Variants in GCH1 observed in about 807,000 individuals in gnomAD.
GCH1 encodes the protein GTP cyclohydrolase I.
In GCH1, 5 loss-of-function variants were observed where a neutral mutation model predicts 25.9. The observed-to-expected ratio is 0.19, with a 90% confidence interval of 0.10 to 0.41. GCH1 has a LOEUF of 0.41. Ranked by LOEUF, GCH1 falls within the 10% of genes least tolerant of loss-of-function variation. The pLI is 1.00. For synonymous variants in GCH1, 159 were observed against 129.6 expected (o/e 1.23, Z -1.54); for missense variants, 261 against 336.5 (o/e 0.78, Z 1.75).
chr14:54,880,472 A>AC, intron 1 of GCH1, among the ~76,000 whole-genome samples: 2 of 111,046 alleles, frequency 1.8e-5, no homozygotes, highest in Admixed American at 9.5e-5. Flanking sequence ...CTCCATATAT[A>AC]TATATACACT....
At chr14:54,900,845 T>TCACACACA (rs3221690) in intron 1 of GCH1, among the ~76,000 whole-genome samples, 1,836 of 144,710 alleles carry the variant, frequency 0.013, 22 homozygotes, top group Admixed American at 0.019. Flanking sequence ...GTGAAATATC[T>TCACACACA]CACACACACA....
At chr14:54,857,129 T>A (rs539087041) in intron 3 of GCH1, among the ~76,000 whole-genome samples, 4 of 152,220 alleles carry the variant, frequency 2.6e-5, no homozygotes, top group Non-Finnish European at 5.9e-5. Context: ...TTATTCAAAT[T>A]TTTTGCAAAA....
chr14:54,890,273 G>A (rs1595018305), intron 1 of GCH1, among the ~76,000 whole-genome samples: 1 of 152,282 alleles, frequency 6.6e-6, no homozygotes, highest in Non-Finnish European at 1.5e-5. Context: ...CGAGGTGGGC[G>A]GATCACCTGA....
chr14:54,842,934 A>G lies in GCH1; in HGVS notation c.*1083T>C. Reference sequence around the variant, plus strand: ...AACCGGGACCAGAAGCTTCCAGTGCATTTTCACAGATCGTTGGTACGATAC... The same window carrying G: ...AACCGGGACCAGAAGCTTCCAGTGCGTTTTCACAGATCGTTGGTACGATAC... On this transcript the variant is annotated 3_prime_UTR_variant, in exon 6 of 6. Coordinates refer to ENST00000491895, the MANE Select transcript of GCH1 (RefSeq NM_000161.3). 2 of 655,110 alleles carry G rather than the reference A, an allele frequency of 3.1e-6. No homozygotes were observed. The allele number at this position is 655,110 out of a possible 1,614,324, so 40.6% of individuals were successfully genotyped here.
intron 1 of GCH1, among the ~76,000 whole-genome samples, chr14:54,894,873 G>C (rs554546940): frequency 6.6e-6 from 1 of 152,116 alleles, no homozygotes. Context: ...ATTTGAGTGA[G>C]CTACACATCT....
intron 3 of GCH1, among the ~76,000 whole-genome samples, chr14:54,858,451 A>C (rs1343676604): frequency 6.6e-6 from 1 of 151,970 alleles, no homozygotes; most frequent in African/African-American, 2.4e-5. Flanking sequence ...ACGCCCAGCT[A>C]ATCTTTGTAT....
intron 1 of GCH1, among the ~76,000 whole-genome samples, chr14:54,875,234 G>C (rs952978333): frequency 2.0e-5 from 3 of 152,130 alleles, no homozygotes; most frequent in Non-Finnish European, 2.9e-5. Flanking sequence ...AGGAATCCCT[G>C]TTTAATAAAT....
intron 1 of GCH1, among the ~76,000 whole-genome samples, chr14:54,878,557 A>AGC (rs893332900): frequency 1.3e-5 from 2 of 152,210 alleles, no homozygotes; most frequent in Non-Finnish European, 2.9e-5. Flanking sequence ...ACCAGCATAC[A>AGC]GCGCTTATCT....
intron 1 of GCH1, chr14:54,885,384 C>A: frequency 3.9e-6 from 1 of 254,656 alleles, no homozygotes; most frequent in South Asian, 5.4e-5. Flanking sequence ...TCTGCCTGAT[C>A]TCTGTCTAAT....
chr14:54,856,910 C>T (rs1323691198), intron 3 of GCH1, among the ~76,000 whole-genome samples: 1 of 152,180 alleles, frequency 6.6e-6, no homozygotes, highest in Non-Finnish European at 1.5e-5. Context: ...TAAGGCTTTA[C>T]TGCTTGATAT....
chr14:54,901,524 G>C lies in GCH1; in HGVS notation c.343+797C>G, dbSNP rs376922032. Among the ~76,000 whole-genome samples the C allele has an allele frequency of 6.6e-5, 10 of 152,120 alleles. No homozygotes were observed. In the East Asian group the frequency reaches 1.5e-3, roughly 24 times the overall value. The stretch of plus-strand genomic sequence containing the variant: ...ACGCCTCAGACGCTAACAGCACCGG[G>C]TCAACCCGGCTTTATTTTAGGGTGG... On this transcript the variant is annotated intron_variant, in intron 1 of 5. Transcript: ENST00000491895.
Position 54,843,510 on chromosome 14 carries a change from G to C in GCH1, c.*507C>G, listed in dbSNP as rs886050547. On this transcript the variant is annotated 3_prime_UTR_variant, in exon 6 of 6. Coordinates refer to ENST00000491895, the MANE Select transcript of GCH1 (RefSeq NM_000161.3). Reference sequence around the variant, plus strand: ...GACTGCTAAAAATATATTTTTAAATGTCACTGGTGGTTTAATAAACATGAC... The same window carrying C: ...GACTGCTAAAAATATATTTTTAAATCTCACTGGTGGTTTAATAAACATGAC... 1.5e-5 allele frequency: 20 copies of C among 1,295,330 alleles called. No homozygotes were observed. In the South Asian group the frequency reaches 3.7e-4, roughly 24 times the overall value. The allele number at this position is 1,295,330 out of a possible 1,614,324, so 80.2% of individuals were successfully genotyped here.
intron 2 of GCH1, among the ~76,000 whole-genome samples, chr14:54,861,762 C>T (rs2140067452): frequency 6.7e-6 from 1 of 149,916 alleles, no homozygotes; most frequent in Admixed American, 6.7e-5. Context: ...ATTTTTAAAA[C>T]AAAGGTAGCA....
At position 54,843,686 on chromosome 14, in the gene GCH1, A is replaced by C. The variant is rs2039593962; in HGVS notation, c.*331T>G. ...CATTCCCAATGCTCCTATGCTTATG[A>C]GGCAAATTACTGTACTATTTGAAAA... On this transcript the variant is annotated 3_prime_UTR_variant, in exon 6 of 6. Transcript: ENST00000491895. 6.3e-7 allele frequency: 1 copy of C among 1,598,316 alleles called. No individual in the cohort carries two copies. The highest frequency in any genetic ancestry group is 1.3e-5 in the African/African-American group (1 of 74,290).
Position 54,862,095 on chromosome 14 carries a change from C to G in GCH1, c.454-2359G>C, listed in dbSNP as rs192858515. Among the ~76,000 whole-genome samples the G allele has an allele frequency of 2.9e-3, 443 of 152,250 alleles. 3 individuals are homozygous for G. Among genetic ancestry groups the G allele is most frequent in the African/African-American group, 0.01 (416 of 41,532 alleles). ...CCAGGTTGGGGTACAGTGGCATGAT[C>G]ATAGTTCACTGTAACCTGAAACTCC... On this transcript the variant is annotated intron_variant, in intron 2 of 5. Transcript: ENST00000491895.
intron 1 of GCH1, among the ~76,000 whole-genome samples, chr14:54,877,710 G>A (rs1421355744): frequency 6.6e-6 from 1 of 151,878 alleles, no homozygotes; most frequent in African/African-American, 2.4e-5. Flanking sequence ...GCCCAGGCTG[G>A]TCTCAAATTC....
chr14:54,852,488 C>T (rs889826950), intron 3 of GCH1, among the ~76,000 whole-genome samples: 3 of 152,148 alleles, frequency 2.0e-5, no homozygotes, highest in Non-Finnish European at 4.4e-5. Flanking sequence ...CAGACTGGGA[C>T]CACTCAGATC....
At chr14:54,878,008 T>G (rs1026350810) in intron 1 of GCH1, 1 of 152,832 alleles carries the variant, frequency 6.5e-6, no homozygotes, top group African/African-American at 2.4e-5. Flanking sequence ...ATTTCATGTT[T>G]TGTGCTGCTA....
intron 1 of GCH1, among the ~76,000 whole-genome samples, chr14:54,867,617 T>C (rs201439771): frequency 4.1e-5 from 4 of 98,398 alleles, no homozygotes. Context: ...AAAAAAAAGA[T>C]CTGGCTCCAT....
Sources: gnomAD v4.1 joint callset for allele counts (sites outside exome capture counted in the v4.1 genomes callset) on GRCh38, gnomAD v4.1.1 for gene constraint, MANE v1.5 for transcripts, NCBI Gene and HGNC (gene_info 2026-07-23, HGNC 2026-07-21) for gene names.